N4BP2L2: variants seen among roughly 807,000 people sequenced by gnomAD.
N4BP2L2 encodes the protein NEDD4-binding protein 2-like 2.
In N4BP2L2, 50 loss-of-function variants were observed where a neutral mutation model predicts 56.2. The observed-to-expected ratio is 0.89, with a 90% CI of 0.71 to 1.13. N4BP2L2 has a LOEUF of 1.13. Among genes scored for constraint, N4BP2L2 ranks in the 50% most tolerant of loss-of-function variants. The pLI is 0.00. For synonymous variants in N4BP2L2, 203 were observed against 223.6 expected (o/e 0.91, Z 0.82); for missense variants, 689 against 693.8 (o/e 0.99, Z 0.08).
chr13:32,488,972 TG>T (rs2086487536), intron 6 of N4BP2L2, among the ~76,000 whole-genome samples: 1 of 152,176 alleles, frequency 6.6e-6, no homozygotes, highest in East Asian at 1.9e-4. Flanking sequence ...ACTCAGGAGA[TG>T]GACGCAGGAG....
chr13:32,446,272 A>C (rs1193147747), intron 6 of N4BP2L2: 2 of 907,392 alleles, frequency 2.2e-6, no homozygotes, highest in African/African-American at 1.7e-5. Context: ...ATGTACCTAG[A>C]AACAGTTGTG....
rs1594080340 is a variant in N4BP2L2 at position 32,527,403 on chromosome 13, C to T, written c.1384+5G>A. On this transcript the variant is annotated splice_donor_5th_base_variant and intron_variant, in intron 3 of 5. Coordinates refer to ENST00000267068, the Ensembl canonical transcript of N4BP2L2. The stretch of plus-strand genomic sequence containing the variant: ...CTATCCTGGGACACTTAGCCCAAAA[C>T]AAACCTCTGTTCTGGTTCCAGTCAT... 2 of 1,612,932 alleles carry T rather than the reference C, an allele frequency of 1.2e-6. No homozygotes were observed. The highest frequency in any genetic ancestry group is 1.7e-6 in the Non-Finnish European group (2 of 1,179,752).
exon 2 of N4BP2L2, chr13:32,536,405 T>C (rs762002475): frequency 1.9e-6 from 3 of 1,614,062 alleles, no homozygotes; most frequent in African/African-American, 2.7e-5. Flanking sequence ...ATTATGACCC[T>C]CATAAAATGG....
chr13:32,495,032 G>C (rs762054812), intron 6 of N4BP2L2, among the ~76,000 whole-genome samples: 1 of 152,108 alleles, frequency 6.6e-6, no homozygotes, highest in Non-Finnish European at 1.5e-5. Flanking sequence ...GAAAGATAGA[G>C]GGTGTAAATT....
At chr13:32,536,317 C>T in exon 2 of N4BP2L2, 1 of 1,613,924 alleles carries the variant, frequency 6.2e-7, no homozygotes, top group South Asian at 1.1e-5. Flanking sequence ...TCCCCAAGTT[C>T]TGCTGATAAT....
At chr13:32,458,266 C>T (rs993535254) in intron 6 of N4BP2L2, among the ~76,000 whole-genome samples, 2 of 152,124 alleles carry the variant, frequency 1.3e-5, no homozygotes, top group East Asian at 1.9e-4. Flanking sequence ...GGGGTTTCAC[C>T]GTGTTAGCCA....
chr13:32,444,402 T>C (rs949624997), intron 6 of N4BP2L2, among the ~76,000 whole-genome samples: 1 of 152,146 alleles, frequency 6.6e-6, no homozygotes, highest in African/African-American at 2.4e-5. Context: ...GTAGCTGGTA[T>C]TATGGGTGCC....
At chr13:32,511,591 GGAAACTAAA>G (rs2048144257) in exon 6 of N4BP2L2, 1 of 152,046 alleles carries the variant, frequency 6.6e-6, no homozygotes, top group Non-Finnish European at 1.5e-5. Context: ...CACAGGGTCA[GGAAACTAAA>G]TGCAGAGCTG....
intron 3 of N4BP2L2, chr13:32,526,798 G>A (rs954426636): frequency 2.4e-5 from 3 of 126,800 alleles, no homozygotes; most frequent in Admixed American, 8.2e-5. Flanking sequence ...TAAGGCTGAG[G>A]CCAGGCACAC....
At chr13:32,441,070 G>C (rs2076258052) in intron 7 of N4BP2L2, among the ~76,000 whole-genome samples, 1 of 151,904 alleles carries the variant, frequency 6.6e-6, no homozygotes, top group Non-Finnish European at 1.5e-5. Context: ...AGCCAGGCTG[G>C]TCTCAAACTC....
At chr13:32,500,546 C>CG (rs2089779935) in intron 6 of N4BP2L2, among the ~76,000 whole-genome samples, 1 of 52,200 alleles carries the variant, frequency 1.9e-5, no homozygotes, top group Non-Finnish European at 4.9e-5. Context: ...CCTGTCTCTA[C>CG]AAAAAAAAAA....
intron 6 of N4BP2L2, among the ~76,000 whole-genome samples, chr13:32,471,720 A>G (rs1366223058): frequency 6.6e-6 from 1 of 152,216 alleles, no homozygotes; most frequent in Non-Finnish European, 1.5e-5. Flanking sequence ...GCAGTGTGAG[A>G]GAGCTGCTGC....
chr13:32,529,857 C>T (rs570350363), intron 2 of N4BP2L2, among the ~76,000 whole-genome samples: 2 of 151,934 alleles, frequency 1.3e-5, no homozygotes, highest in Admixed American at 6.6e-5. Context: ...TCCTGAGTAG[C>T]TGTGACTACA....
intron 6 of N4BP2L2, among the ~76,000 whole-genome samples, chr13:32,449,270 G>T (rs1447766411): frequency 2.6e-5 from 4 of 152,190 alleles, no homozygotes; most frequent in Admixed American, 1.3e-4. Context: ...TAATTATGTA[G>T]TTTGTCTCAC....
At chr13:32,482,378 T>C (rs980899586) in intron 6 of N4BP2L2, among the ~76,000 whole-genome samples, 1 of 152,226 alleles carries the variant, frequency 6.6e-6, no homozygotes, top group East Asian at 1.9e-4. Flanking sequence ...TTAGACTTGT[T>C]TGAGACAGAG....
chr13:32,496,802 C>T (rs2088790735), intron 6 of N4BP2L2, among the ~76,000 whole-genome samples: 1 of 152,214 alleles, frequency 6.6e-6, no homozygotes. Flanking sequence ...ACATGTTCCC[C>T]ACCCACAGCT....
Position 32,536,664 on chromosome 13 carries a change from C to CTT in N4BP2L2, c.362_363dup (p.Ala122LysfsTer4). On this transcript the variant is annotated frameshift_variant, in exon 2 of 6. Transcript: ENST00000267068. LOFTEE classifies it high-confidence loss of function. ...GGTTTGTAAATGGGTCCTATAAATG[C>CTT]TTTACTTGTGCTATATATCTCATCG... 6.2e-7 allele frequency: 1 copy of CTT among 1,614,032 alleles called. No homozygotes were observed. Among genetic ancestry groups the CTT allele is most frequent in the Non-Finnish European group, 8.5e-7 (1 of 1,180,006 alleles).
At chr13:32,449,158 T>C (rs2077471585) in intron 6 of N4BP2L2, among the ~76,000 whole-genome samples, 1 of 152,236 alleles carries the variant, frequency 6.6e-6, no homozygotes, top group Non-Finnish European at 1.5e-5. Context: ...TGCTCTCCAG[T>C]GTAACTGCAC....
At chr13:32,485,580 T>C (rs1439360071) in intron 6 of N4BP2L2, among the ~76,000 whole-genome samples, 2 of 152,192 alleles carry the variant, frequency 1.3e-5, no homozygotes, top group Non-Finnish European at 2.9e-5. Flanking sequence ...AAAAAATGAT[T>C]ACACTCTGTG....
Sources: allele counts gnomAD v4.1 joint callset (sites outside exome capture counted in the v4.1 genomes callset), GRCh38; gene constraint gnomAD v4.1.1; transcripts MANE v1.5; gene names NCBI Gene and HGNC (gene_info 2026-07-23, HGNC 2026-07-21).